Variants in SLC26A7 observed in about 807,000 individuals in gnomAD.
SLC26A7 encodes the protein anion exchange transporter.
In SLC26A7, 59 loss-of-function variants were observed where a neutral mutation model predicts 82.5. The ratio of observed to expected loss-of-function variants is 0.72; its 90% CI spans 0.58 to 0.89. The LOEUF (loss-of-function observed/expected upper bound fraction) is 0.89, where lower values mean the gene tolerates loss of function less well. Ranked by LOEUF, SLC26A7 falls within the 40% of genes least tolerant of loss-of-function variation. SLC26A7 has a pLI of 0.00. For missense variants in SLC26A7, 820 were observed against 793.0 expected, an observed-to-expected ratio of 1.03 and a Z score of -0.41; for synonymous variants, 271 against 274.3, an observed-to-expected ratio of 0.99 and a Z score of 0.12.
intron 4 of SLC26A7, 98 bp downstream of exon 4, chr8:91,295,801 T>TATCCACCTATAAAGACAA: frequency 8.1e-7 from 1 of 1,232,160 alleles, no homozygotes. Context: ...AATTTGTCTT[T>TATCCACCTATAAAGACAA]ATAGGTGGAT....
chr8:91,329,332 C>G (rs985337782), intron 5 of SLC26A7, among the ~76,000 whole-genome samples: 2 of 152,146 alleles, frequency 1.3e-5, no homozygotes, highest in African/African-American at 4.8e-5. Flanking sequence ...GCCTGTGATT[C>G]TCTCTGTGGG....
chr8:91,380,728 C>T (rs1232539115), intron 15 of SLC26A7, among the ~76,000 whole-genome samples: 1 of 152,132 alleles, frequency 6.6e-6, no homozygotes, highest in Non-Finnish European at 1.5e-5. Context: ...AACGGTTTGG[C>T]AATGTCTTAT....
chr8:91,309,105 A>G (rs2067241587), intron 4 of SLC26A7, among the ~76,000 whole-genome samples: 2 of 152,114 alleles, frequency 1.3e-5, no homozygotes, highest in South Asian at 2.1e-4. Flanking sequence ...ATTTTTATGT[A>G]TGTTAAACAT....
intron 13 of SLC26A7, among the ~76,000 whole-genome samples, chr8:91,365,727 G>T (rs541866185): frequency 5.3e-5 from 8 of 152,272 alleles, no homozygotes; most frequent in African/African-American, 1.7e-4. Context: ...GTCCAAATTA[G>T]CATACTTAAT....
rs117169179 is a variant in SLC26A7 at position 91,230,616 on chromosome 8, A to G, written c.-34+11611A>G. Among the ~76,000 whole-genome samples, 502 of 152,354 alleles carry G rather than the reference A, an allele frequency of 3.3e-3. 3 individuals are homozygous for G. The highest frequency in any genetic ancestry group is 5.3e-3 in the Non-Finnish European group (359 of 68,030). Reference sequence around the variant, plus strand: ...TATCAGTGACCTCTCTACCTGTAACATAAAAAATAGTCCCTTTTCAGGGGG... The same window carrying G: ...TATCAGTGACCTCTCTACCTGTAACGTAAAAAATAGTCCCTTTTCAGGGGG... On this transcript the variant is annotated intron_variant, in intron 2 of 5. Coordinates refer to the SLC26A7 transcript ENST00000522862.
intron 2 of SLC26A7, among the ~76,000 whole-genome samples, chr8:91,279,123 G>GTATATATATATATATATATATATATA (rs1223990677): frequency 1.3e-5 from 1 of 78,766 alleles, no homozygotes; most frequent in African/African-American, 5.7e-5. Context: ...GTGTGTGTGT[G>GTATATATATATATATATATATATATA]TGTATATATA....
intron 4 of SLC26A7, among the ~76,000 whole-genome samples, chr8:91,315,738 T>C (rs1437753505): frequency 6.6e-6 from 1 of 152,188 alleles, no homozygotes; most frequent in Non-Finnish European, 1.5e-5. Flanking sequence ...TTTTACAGAG[T>C]TAGAAAATGT....
chr8:91,292,122 G>A (rs1811886931), intron 3 of SLC26A7, among the ~76,000 whole-genome samples: 1 of 151,970 alleles, frequency 6.6e-6, no homozygotes, highest in Non-Finnish European at 1.5e-5. Context: ...TGGCTAACAC[G>A]GTGAAACCCT....
At chr8:91,391,441 A>G (rs772370677) in intron 16 of SLC26A7, among the ~76,000 whole-genome samples, 2 of 152,230 alleles carry the variant, frequency 1.3e-5, no homozygotes, top group Non-Finnish European at 2.9e-5. Flanking sequence ...GGCTATTTTT[A>G]GCAAGTCGCC....
chr8:91,261,392 A>G (rs1452628872), intron 2 of SLC26A7, among the ~76,000 whole-genome samples: 1 of 152,030 alleles, frequency 6.6e-6, no homozygotes, highest in Admixed American at 6.6e-5. Context: ...TGGTGTGGGT[A>G]TTTAAGGGTG....
At chr8:91,270,271 G>C (rs76085833) in intron 2 of SLC26A7, among the ~76,000 whole-genome samples, 47 of 152,120 alleles carry the variant, frequency 3.1e-4, no homozygotes, top group African/African-American at 1.1e-3. Context: ...TTAATCGCAG[G>C]CCTGCTATTC....
chr8:91,395,532 C>T lies in SLC26A7; in HGVS notation c.*435C>T, dbSNP rs190502117. On this transcript the variant is annotated 3_prime_UTR_variant, in exon 19 of 19. Coordinates refer to ENST00000276609, the MANE Select transcript of SLC26A7 (RefSeq NM_052832.4). ...ACATAAAAACAACTTAGCAAATGTG[C>T]CATTTTCACACAACTTCTCTCTGTA... 239 of 161,090 alleles carry T rather than the reference C, an allele frequency of 1.5e-3. No individual in the cohort carries two copies. Among genetic ancestry groups the T allele is most frequent in the South Asian group, 6.1e-3 (35 of 5,720 alleles). The allele number at this position is 161,090 out of a possible 1,614,324, so 10.0% of individuals were successfully genotyped here.
chr8:91,368,965 G>C (rs1814277923), intron 14 of SLC26A7, among the ~76,000 whole-genome samples: 1 of 152,168 alleles, frequency 6.6e-6, no homozygotes, highest in South Asian at 2.1e-4. Context: ...TGGCTATAAA[G>C]AAGAGAAAAC....
intron 2 of SLC26A7, among the ~76,000 whole-genome samples, chr8:91,254,244 C>T (rs947516425): frequency 2.5e-4 from 38 of 152,220 alleles, no homozygotes; most frequent in Admixed American, 2.0e-3. Context: ...GCCCACATCT[C>T]CATGCGGCAA....
chr8:91,293,979 G>C (rs1322347278), intron 3 of SLC26A7, among the ~76,000 whole-genome samples: 1 of 152,104 alleles, frequency 6.6e-6, no homozygotes, highest in Non-Finnish European at 1.5e-5. Context: ...CTAATAATCA[G>C]TTATATTACA....
intron 5 of SLC26A7, among the ~76,000 whole-genome samples, chr8:91,326,949 C>T (rs1194086888): frequency 6.6e-6 from 1 of 152,182 alleles, no homozygotes; most frequent in Non-Finnish European, 1.5e-5. Flanking sequence ...GTTCTTCTCT[C>T]CTGTCTCTTA....
At chr8:91,346,344 C>T (rs79179160) in intron 9 of SLC26A7, among the ~76,000 whole-genome samples, 7,689 of 152,138 alleles carry the variant, frequency 0.051, 198 homozygotes, top group African/African-American at 0.074. Flanking sequence ...TGATAACTGA[C>T]ATGGTTCCGA....
chr8:91,383,281 G>C (rs1160301163), intron 15 of SLC26A7, among the ~76,000 whole-genome samples: 8 of 152,238 alleles, frequency 5.3e-5, no homozygotes, highest in Middle Eastern at 3.4e-3. Context: ...CTGAAACTTT[G>C]AAACTCTCAA....
chr8:91,279,415 C>G (rs1485891238), intron 2 of SLC26A7, among the ~76,000 whole-genome samples: 2 of 152,078 alleles, frequency 1.3e-5, no homozygotes, highest in African/African-American at 4.8e-5. Context: ...TTACCACCAA[C>G]AGCATACATG....
Sources: gnomAD v4.1 joint callset for allele counts (sites outside exome capture counted in the v4.1 genomes callset) on GRCh38, gnomAD v4.1.1 for gene constraint, MANE v1.5 for transcripts, NCBI Gene and HGNC (gene_info 2026-07-23, HGNC 2026-07-21) for gene names.